Variants in DSCAM observed in about 807,000 individuals in gnomAD.
DSCAM encodes cell adhesion molecule DSCAM.
Under a neutral mutation model 217.7 loss-of-function variants are expected in DSCAM, and 47 were observed. That is an observed-to-expected ratio of 0.22 (90% CI 0.17 to 0.28). DSCAM has a LOEUF of 0.28. Ranked by LOEUF, DSCAM falls within the 10% of genes least tolerant of loss-of-function variation. DSCAM has a pLI of 1.00. For missense variants in DSCAM, 2,080 were observed against 2,618.3 expected (o/e 0.79, Z 4.49); for synonymous variants, 1,056 against 1,015.3 (o/e 1.04, Z -0.76).
At chr21:40,672,403 G>A (rs2090288011) in intron 3 of DSCAM, among the ~76,000 whole-genome samples, 1 of 152,054 alleles carries the variant, frequency 6.6e-6, no homozygotes, top group African/African-American at 2.4e-5. Context: ...TTGCTTCAAA[G>A]GCCAAAACTA....
Position 40,381,562 on chromosome 21 carries a change from C to T in DSCAM, c.509-12317G>A, listed in dbSNP as rs75881406. On this transcript the variant is annotated intron_variant, in intron 3 of 32. Transcript: ENST00000400454. Reference sequence around the variant, plus strand: ...CTTCAACCCACAGTGACTATGCTTACCTGGTCTGTGTTAGCAACCCAAAAG... The same window carrying T: ...CTTCAACCCACAGTGACTATGCTTATCTGGTCTGTGTTAGCAACCCAAAAG... Among the ~76,000 whole-genome samples the T allele has an allele frequency of 3.3e-3, 498 of 152,316 alleles. 1 individual carries two copies. The highest frequency in any genetic ancestry group is 0.011 in the African/African-American group (441 of 41,578).
At chr21:40,030,198 AGCCTCCCT>A (rs1359759246) in intron 32 of DSCAM, among the ~76,000 whole-genome samples, 1 of 152,160 alleles carries the variant, frequency 6.6e-6, no homozygotes, top group Non-Finnish European at 1.5e-5. Flanking sequence ...CCTCCCTCTC[AGCCTCCCT>A]GCTCCTCTGT....
At chr21:40,447,832 G>A (rs1189948354) in intron 3 of DSCAM, among the ~76,000 whole-genome samples, 1 of 152,174 alleles carries the variant, frequency 6.6e-6, no homozygotes, top group African/African-American at 2.4e-5. Flanking sequence ...ATAACGAGGA[G>A]GAGCGTGATG....
At chr21:40,432,978 T>C (rs540883491) in intron 3 of DSCAM, among the ~76,000 whole-genome samples, 12 of 152,290 alleles carry the variant, frequency 7.9e-5, no homozygotes, top group African/African-American at 2.9e-4. Flanking sequence ...ACATTTCTGT[T>C]GTAACCATTT....
intron 4 of DSCAM, among the ~76,000 whole-genome samples, chr21:40,366,317 AT>A (rs1199982072): frequency 6.6e-6 from 1 of 152,050 alleles, no homozygotes; most frequent in African/African-American, 2.4e-5. Context: ...ACATCTATAC[AT>A]TTTTAACTCT....
chr21:40,272,426 G>A (rs1465071778), intron 11 of DSCAM, among the ~76,000 whole-genome samples: 2 of 152,158 alleles, frequency 1.3e-5, no homozygotes, highest in African/African-American at 4.8e-5. Flanking sequence ...ATACATGCTT[G>A]CTGGCTTTCT....
In DSCAM at chr21:40,338,352, T is replaced by C. The variant is rs745692427; in HGVS notation, c.1532A>G (p.Lys511Arg). The C allele has an allele frequency of 1.5e-5, 25 of 1,613,730 alleles. No individual in the cohort carries two copies. The highest frequency in any genetic ancestry group is 1.9e-5 in the Non-Finnish European group (23 of 1,179,714). The change falls in exon 8 of 33, where the codon AAA (lysine) becomes AGA (arginine). Residue 511 changes from lysine to arginine, a missense_variant. Transcript: ENST00000400454. ...CCGTCCTGCTATTGCTGTGATGTTT[T>C]TCATTGGTCGAATGCTTGCAGGCCC... ...VRGPASIRPM[K>R]NITAIAGRDT... is the part of the protein sequence containing the mutation.
In DSCAM at chr21:40,578,368, G is replaced by A. The variant is rs140749645; in HGVS notation, c.508+114442C>T. On this transcript the variant is annotated intron_variant, in intron 3 of 32. Transcript: ENST00000400454. ...AAGGATTGTAAATGCACCAATCAGC[G>A]CTCTGTGTCTAGCTAAAGGATTGTA... 3.1e-4 allele frequency among the ~76,000 whole-genome samples: 47 copies of A among 152,170 alleles called. 1 individual carries two copies. Among genetic ancestry groups the A allele is most frequent in the African/African-American group, 1.0e-3 (42 of 41,494 alleles).
At chr21:40,402,243 G>A (rs1363092721) in intron 3 of DSCAM, among the ~76,000 whole-genome samples, 4 of 146,770 alleles carry the variant, frequency 2.7e-5, no homozygotes, top group African/African-American at 1.0e-4. Context: ...ATTTTTTTTT[G>A]TATTTTTAGT....
intron 3 of DSCAM, among the ~76,000 whole-genome samples, chr21:40,445,499 A>C (rs7280016): frequency 0.11 from 16,523 of 152,228 alleles, 1,722 homozygotes; most frequent in African/African-American, 0.27. Flanking sequence ...GGGGTATCTC[A>C]GCTATGAAGC....
rs571447282 is a variant in DSCAM, at chr21:40,151,955, C to T, written c.3019-7224G>A. On this transcript the variant is annotated intron_variant, in intron 16 of 32. Coordinates refer to ENST00000400454, the MANE Select transcript of DSCAM (RefSeq NM_001389.5). Reference sequence around the variant, plus strand: ...GACACTGTCATTCATTTTTTTCCTTCTTAAAAGAAGGATTCCAGAAAGAGA... The same window carrying T: ...GACACTGTCATTCATTTTTTTCCTTTTTAAAAGAAGGATTCCAGAAAGAGA... 2.6e-5 allele frequency among the ~76,000 whole-genome samples: 4 copies of T among 152,128 alleles called. 1 individual carries two copies. The South Asian group carries it at 6.2e-4, about 24-fold the overall frequency.
intron 1 of DSCAM, among the ~76,000 whole-genome samples, chr21:40,720,681 A>C (rs1348701247): frequency 6.6e-6 from 1 of 152,146 alleles, no homozygotes. Context: ...ACAGAAAAAA[A>C]AAAAATGAAA....
At chr21:40,342,648 ATTTTTTTT>A (rs1202355440) in intron 6 of DSCAM, among the ~76,000 whole-genome samples, 4 of 80,310 alleles carry the variant, frequency 5.0e-5, no homozygotes, top group African/African-American at 2.1e-4. Flanking sequence ...ATATATATAT[ATTTTTTTT>A]TTTTTTTTGA....
At chr21:40,614,227 C>T (rs2089356499) in intron 3 of DSCAM, among the ~76,000 whole-genome samples, 1 of 152,152 alleles carries the variant, frequency 6.6e-6, no homozygotes, top group Non-Finnish European at 1.5e-5. Context: ...AGGCTGTAGA[C>T]CACCCTAAGG....
chr21:40,841,160 G>A (rs548165862), intron 1 of DSCAM, among the ~76,000 whole-genome samples: 1 of 152,246 alleles, frequency 6.6e-6, no homozygotes, highest in South Asian at 2.1e-4. Flanking sequence ...TGATTTTCAG[G>A]AGCAGATTTG....
chr21:40,109,589 G>A (rs1227194185), intron 20 of DSCAM, among the ~76,000 whole-genome samples: 5 of 152,224 alleles, frequency 3.3e-5, no homozygotes, highest in African/African-American at 7.2e-5. Flanking sequence ...CGGGTGCAGC[G>A]CACCGAGCAT....
intron 3 of DSCAM, among the ~76,000 whole-genome samples, chr21:40,515,843 A>T: frequency 6.6e-6 from 1 of 152,186 alleles, no homozygotes; most frequent in East Asian, 1.9e-4. Context: ...TAATACATGA[A>T]ATCATTCTTG....
chr21:40,617,760 G>A (rs1407501693), intron 3 of DSCAM, among the ~76,000 whole-genome samples: 1 of 152,212 alleles, frequency 6.6e-6, no homozygotes, highest in African/African-American at 2.4e-5. Flanking sequence ...GTGCTCAGTT[G>A]AGGAGCACTG....
intron 32 of DSCAM, among the ~76,000 whole-genome samples, chr21:40,021,976 A>T (rs1489815451): frequency 6.6e-6 from 1 of 152,208 alleles, no homozygotes; most frequent in Non-Finnish European, 1.5e-5. Flanking sequence ...GAATTTTCTC[A>T]ATCTATTCAG....
Sources: gnomAD v4.1 joint callset for allele counts (sites outside exome capture counted in the v4.1 genomes callset) on GRCh38, gnomAD v4.1.1 for gene constraint, MANE v1.5 for transcripts, NCBI Gene and HGNC (gene_info 2026-07-23, HGNC 2026-07-21) for gene names.